The following CCDC138 variants were observed in gnomAD, a reference collection of about 807,000 sequenced individuals.
The protein encoded by CCDC138 is coiled-coil domain-containing protein 138.
A neutral mutation model predicts 82.3 loss-of-function variants in CCDC138; 66 were observed. The ratio of observed to expected loss-of-function variants is 0.80; its 90% CI spans 0.66 to 0.98. The LOEUF (loss-of-function observed/expected upper bound fraction) is 0.98. Among genes scored for constraint, CCDC138 ranks in the 50% least tolerant of loss-of-function variants. The pLI, the probability that CCDC138 is intolerant of heterozygous loss-of-function variation, is 0.00. For missense variants in CCDC138, 816 were observed against 758.9 expected (o/e 1.08, Z -0.88); for synonymous variants, 297 against 265.4 (o/e 1.12, Z -1.16).
At chr2:108,799,403 A>T (rs1681516056) in intron 6 of CCDC138, among the ~76,000 whole-genome samples, 3 of 152,198 alleles carry the variant, frequency 2.0e-5, no homozygotes, top group African/African-American at 7.2e-5. Context: ...CATCAACAAG[A>T]TCAAGAGTAG....
chr2:108,883,848 T>C (rs1431558715), intron 2 of CCDC138: 7 of 152,254 alleles, frequency 4.6e-5, no homozygotes, highest in Admixed American at 4.6e-4. Flanking sequence ...TTACGCACCT[T>C]GAGGGTGTCA....
In CCDC138 at chr2:108,815,998, GATC is replaced by G. The variant is rs772948584; in HGVS notation, c.1106_1108del (p.His369del). Reference sequence around the variant, plus strand: ...AACTGTCTTCATGGACTGGATTTCGGATCATCATCTTAGCAAAGTGAAACATGA... The same window carrying G: ...AACTGTCTTCATGGACTGGATTTCGGATCATCTTAGCAAAGTGAAACATGA... On this transcript the variant is annotated inframe_deletion, in exon 10 of 15. Coordinates refer to ENST00000295124, the MANE Select transcript of CCDC138 (RefSeq NM_144978.3). 838 of 1,613,618 alleles carry G rather than the reference GATC, an allele frequency of 5.2e-4. 10 individuals are homozygous for G. In the Admixed American group the frequency reaches 0.014, roughly 26 times the overall value.
intron 1 of CCDC138, 59 bp downstream of exon 1, chr2:108,786,974 C>G (rs576816775): frequency 1.8e-5 from 22 of 1,208,498 alleles, no homozygotes; most frequent in Non-Finnish European, 2.3e-5. Flanking sequence ...CGGCCCGCTC[C>G]GTGCCCCGCG....
chr2:108,787,779 G>C (rs1679152783), intron 1 of CCDC138, among the ~76,000 whole-genome samples: 1 of 151,710 alleles, frequency 6.6e-6, no homozygotes. Flanking sequence ...TCTTATAGAT[G>C]CTTCTTCGTT....
At chr2:108,826,249 G>A (rs1686574024) in intron 10 of CCDC138, among the ~76,000 whole-genome samples, 1 of 152,064 alleles carries the variant, frequency 6.6e-6, no homozygotes, top group Non-Finnish European at 1.5e-5. Context: ...AAGCATAAAG[G>A]TTTTAAATTT....
chr2:108,838,285 G>GT (rs1370366191), intron 10 of CCDC138, among the ~76,000 whole-genome samples: 7 of 152,064 alleles, frequency 4.6e-5, no homozygotes, highest in Non-Finnish European at 1.0e-4. Context: ...AACTGGAAAG[G>GT]TTTTTTAAGA....
At chr2:108,832,025 G>A (rs1043536286) in intron 10 of CCDC138, among the ~76,000 whole-genome samples, 4 of 149,502 alleles carry the variant, frequency 2.7e-5, no homozygotes, top group East Asian at 4.0e-4. Flanking sequence ...GAGCCACCAC[G>A]CACAGCTTTT....
intron 3 of CCDC138, among the ~76,000 whole-genome samples, chr2:108,789,554 A>G (rs748548330): frequency 2.6e-5 from 4 of 152,222 alleles, no homozygotes; most frequent in Non-Finnish European, 5.9e-5. Flanking sequence ...AGATTGTGCC[A>G]TTGCACTCCA....
At chr2:108,817,450 G>A (rs1215687024) in intron 10 of CCDC138, among the ~76,000 whole-genome samples, 2 of 151,976 alleles carry the variant, frequency 1.3e-5, no homozygotes, top group East Asian at 3.9e-4. Context: ...GTGCCACCAC[G>A]CCCAGCTAAT....
intron 13 of CCDC138, among the ~76,000 whole-genome samples, chr2:108,872,333 C>T (rs1361161582): frequency 2.0e-5 from 3 of 152,138 alleles, no homozygotes; most frequent in South Asian, 2.1e-4. Context: ...ATTCTTAACT[C>T]GTTCCACCAC....
At chr2:108,831,412 G>GA (rs1687591269) in intron 10 of CCDC138, among the ~76,000 whole-genome samples, 1 of 152,130 alleles carries the variant, frequency 6.6e-6, no homozygotes, top group Non-Finnish European at 1.5e-5. Flanking sequence ...CAAAAGATAA[G>GA]AAAAAGTACT....
intron 11 of CCDC138, among the ~76,000 whole-genome samples, chr2:108,844,715 C>G (rs1193345246): frequency 6.7e-6 from 1 of 150,084 alleles, no homozygotes; most frequent in Non-Finnish European, 1.5e-5. Context: ...AGTTTTTTCT[C>G]TTTTCCTTCA....
chr2:108,841,046 A>G (rs191724659), intron 11 of CCDC138, among the ~76,000 whole-genome samples: 13 of 151,820 alleles, frequency 8.6e-5, no homozygotes, highest in African/African-American at 2.9e-4. Context: ...TTTAGTAGGG[A>G]TGGGGTTTCA....
chr2:108,875,979 A>T, intron 14 of CCDC138, 109 bp from the exon 15 acceptor site: 1 of 655,942 alleles, frequency 1.5e-6, no homozygotes, highest in Non-Finnish European at 2.5e-6. Context: ...CACTGTTTTT[A>T]AAAACAGATG....
intron 12 of CCDC138, among the ~76,000 whole-genome samples, chr2:108,849,951 G>A (rs1021619886): frequency 1.3e-5 from 2 of 152,238 alleles, no homozygotes; most frequent in Non-Finnish European, 2.9e-5. Context: ...CTGCACACAA[G>A]ACCTGGGGCT....
intron 11 of CCDC138, among the ~76,000 whole-genome samples, chr2:108,840,036 TC>T (rs1340541970): frequency 7.2e-5 from 11 of 152,176 alleles, no homozygotes; most frequent in African/African-American, 2.6e-4. Flanking sequence ...TCCCCTGTAT[TC>T]CTATTTTTCT....
Position 108,794,377 on chromosome 2 carries a change from G to A in CCDC138, c.395-163G>A, listed in dbSNP as rs889580188. ...CTGTATACCCTTCACCCAAATTTTC[G>A]ATGTTACCACTTTACCATATTTGCT... On this transcript the variant is annotated intron_variant, in intron 4 of 14. Coordinates refer to ENST00000295124, the MANE Select transcript of CCDC138 (RefSeq NM_144978.3). 3.0e-5 allele frequency: 7 copies of A among 233,356 alleles called. No homozygotes were observed. The Admixed American group carries it at 4.6e-4, about 15-fold the overall frequency. 14.5% of individuals were successfully genotyped at this position (233,356 alleles called of 1,614,324 possible).
intron 1 of CCDC138, among the ~76,000 whole-genome samples, chr2:108,881,700 G>A (rs1242106719): frequency 6.6e-6 from 1 of 152,174 alleles, no homozygotes; most frequent in Non-Finnish European, 1.5e-5. Flanking sequence ...GTATTGTTAT[G>A]TCTCAGGAAA....
intron 7 of CCDC138, among the ~76,000 whole-genome samples, chr2:108,812,056 A>G (rs1391293481): frequency 6.6e-6 from 1 of 152,178 alleles, no homozygotes; most frequent in East Asian, 1.9e-4. Context: ...TTGGATACCC[A>G]GGAATAAATC....
Sources: allele counts gnomAD v4.1 joint callset (sites outside exome capture counted in the v4.1 genomes callset), GRCh38; gene constraint gnomAD v4.1.1; transcripts MANE v1.5; gene names NCBI Gene and HGNC (gene_info 2026-07-23, HGNC 2026-07-21).